Variants in SLC46A1 observed in about 807,000 individuals in gnomAD.
SLC46A1 encodes proton-coupled folate transporter.
SLC46A1 carries 17 observed loss-of-function variants against 32.1 expected under a neutral mutation model. The ratio of observed to expected loss-of-function variants is 0.53; its 90% confidence interval spans 0.36 to 0.79. The LOEUF is 0.79. Ranked by LOEUF, SLC46A1 falls within the 30% of genes least tolerant of loss-of-function variation. The pLI, the probability that SLC46A1 is intolerant of heterozygous loss-of-function variation, is 0.00. For synonymous variants in SLC46A1, 240 were observed against 262.7 expected, an observed-to-expected ratio of 0.91 and a Z score of 0.84; for missense variants, 517 against 588.2, an observed-to-expected ratio of 0.88 and a Z score of 1.25.
intron 2 of SLC46A1, 105 bp from the exon 3 acceptor site, chr17:28,402,426 G>A: frequency 1.1e-6 from 1 of 898,962 alleles, no homozygotes; most frequent in Non-Finnish European, 1.7e-6. Flanking sequence ...GCTTAGGTTA[G>A]ACCCAGGAAG....
chr17:28,400,614 TCAGAA>T lies in SLC46A1; in HGVS notation c.1313_1317del (p.Val438AspfsTer8). The T allele has an allele frequency of 6.2e-7, 1 of 1,613,540 alleles. No homozygotes were observed. Among genetic ancestry groups the T allele is most frequent in the East Asian group, 2.2e-5 (1 of 44,864 alleles). On this transcript the variant is annotated frameshift_variant, in exon 4 of 5. Transcript: ENST00000612814. LOFTEE classifies it high-confidence loss of function. The stretch of plus-strand genomic sequence containing the variant: ...GGGTTCAGGGCCCTGCATTACCCAA[TCAGAA>T]CAGCCGGGATGAGCAGGAGGCCAGC...
chr17:28,399,389 G>A lies in SLC46A1; in HGVS notation c.*267C>T, dbSNP rs2068168005. The A allele has an allele frequency of 4.1e-6, 2 of 493,616 alleles. No homozygotes were observed. The highest frequency in any genetic ancestry group is 7.3e-6 in the Non-Finnish European group (2 of 272,682). The allele number at this position is 493,616 out of a possible 1,614,324, so 30.6% of individuals were successfully genotyped here. On this transcript the variant is annotated 3_prime_UTR_variant, in exon 5 of 5. Coordinates refer to ENST00000612814, the MANE Select transcript of SLC46A1 (RefSeq NM_080669.6). Reference sequence around the variant, plus strand: ...GTTATAAGTGATGGATAGCAGAAAGGGAGAACTGACTCCTGTCCCAAATAG... The same window carrying A: ...GTTATAAGTGATGGATAGCAGAAAGAGAGAACTGACTCCTGTCCCAAATAG...
At position 28,399,266 on chromosome 17, in the gene SLC46A1, G is replaced by A. The variant is rs1249433631; in HGVS notation, c.*390C>T. The A allele has an allele frequency of 2.7e-5, 6 of 221,924 alleles. No individual in the cohort carries two copies. 13.7% of individuals were successfully genotyped at this position (221,924 alleles called of 1,614,324 possible). ...TACACGTGTTGGGAACCTGGTTGGG[G>A]CTGTGCAGTTTGGGCTGGAAGGAGA... On this transcript the variant is annotated 3_prime_UTR_variant, in exon 5 of 5. Coordinates refer to ENST00000612814, the MANE Select transcript of SLC46A1 (RefSeq NM_080669.6).
chr17:28,402,015 C>T (rs568661704), intron 3 of SLC46A1: 45 of 489,826 alleles, frequency 9.2e-5, no homozygotes, highest in Non-Finnish European at 1.6e-4. Flanking sequence ...CATAATTGTG[C>T]TCTGCTGACT....
Position 28,406,009 on chromosome 17 carries a change from A to T in SLC46A1, c.106T>A (p.Leu36Met). Reference sequence around the variant, plus strand: ...GTGGTGAGCGGGCCCTGCAGGACCAAGGCAAAGTTGGCCAGGAAGACCAGC... The same window carrying T: ...GTGGTGAGCGGGCCCTGCAGGACCATGGCAAAGTTGGCCAGGAAGACCAGC... Reference protein sequence around the residue: ...EPLVFLANFALVLQGPLTTQY... With the variant: ...EPLVFLANFAMVLQGPLTTQY... The change falls in exon 1 of 5, where the codon TTG (leucine) becomes ATG (methionine). Residue 36 changes from leucine to methionine, a missense_variant. Coordinates refer to ENST00000612814, the MANE Select transcript of SLC46A1 (RefSeq NM_080669.6). This position sits in a 1 kb window ranked among gnomAD's most constrained non-coding sequence, Gnocchi z 4.5. 6.2e-7 allele frequency: 1 copy of T among 1,611,014 alleles called. No homozygotes were observed. Among genetic ancestry groups the T allele is most frequent in the Non-Finnish European group, 8.5e-7 (1 of 1,179,132 alleles).
rs782282998 is a variant in SLC46A1 at position 28,395,961 on chromosome 17, C to T, written c.*3695G>A. The T allele has an allele frequency of 1.9e-5, 30 of 1,613,852 alleles. No individual in the cohort carries two copies. In the Middle Eastern group the frequency reaches 1.5e-3, roughly 80 times the overall value. ...ACATTGTGCCCATCATTGATGGCTT[C>T]GAGTGGCCTGAGCCCCAGGTCCTGC... On this transcript the variant is annotated 3_prime_UTR_variant, in exon 5 of 5. Coordinates refer to ENST00000612814, the MANE Select transcript of SLC46A1 (RefSeq NM_080669.6).
rs782287467 is a variant in SLC46A1, at chr17:28,400,687, T to A, written c.1245A>T (p.Pro415=). 1.2e-6 allele frequency: 2 copies of A among 1,612,420 alleles called. No individual in the cohort carries two copies. Among genetic ancestry groups the A allele is most frequent in the East Asian group, 4.5e-5 (2 of 44,842 alleles). Residue 415 remains proline (P), a synonymous_variant, in exon 4 of 5, where the codon CCA becomes CCT. Coordinates refer to ENST00000612814, the MANE Select transcript of SLC46A1 (RefSeq NM_080669.6). ...TASGIFNSLY[P]ATLNFMKGFP... ...ACCCCTTCATAAAGTTCAGAGTGGCTGGGTAGAGTGAGTTGAAGATGCCGG... is the reference window on the plus strand; with the variant it reads ...ACCCCTTCATAAAGTTCAGAGTGGCAGGGTAGAGTGAGTTGAAGATGCCGG...
intron 1 of SLC46A1, 25 bp downstream of exon 1, chr17:28,405,862 G>C: frequency 6.5e-7 from 1 of 1,543,126 alleles, no homozygotes; most frequent in Non-Finnish European, 8.7e-7. Flanking sequence ...CCCTCCACCT[G>C]CCAGGCTCCT....
At chr17:28,399,976 C>T (rs2068176476) in intron 4 of SLC46A1, 2 of 458,864 alleles carry the variant, frequency 4.4e-6, no homozygotes, top group East Asian at 8.6e-5. Context: ...TCACTGTACC[C>T]TTGAACTCCT....
chr17:28,400,678 C>T lies in SLC46A1; in HGVS notation c.1254G>A (p.Leu418=), dbSNP rs782590413. ...GGAAGGGGAACCCCTTCATAAAGTT[C>T]AGAGTGGCTGGGTAGAGTGAGTTGA... ...GIFNSLYPAT[L]NFMKGFPFLL... Residue 418 remains leucine (L), a synonymous_variant, in exon 4 of 5, where the codon CTG becomes CTA. Coordinates refer to ENST00000612814, the MANE Select transcript of SLC46A1 (RefSeq NM_080669.6). 2 of 1,613,286 alleles carry T rather than the reference C, an allele frequency of 1.2e-6. No individual in the cohort carries two copies. Among genetic ancestry groups the T allele is most frequent in the Admixed American group, 3.3e-5 (2 of 59,938 alleles).
At position 28,396,513 on chromosome 17, in the gene SLC46A1, C is replaced by T. The variant is rs2068126082; in HGVS notation, c.*3143G>A. 1.7e-6 allele frequency: 1 copy of T among 573,304 alleles called. No homozygotes were observed. Among genetic ancestry groups the T allele is most frequent in the African/African-American group, 1.9e-5 (1 of 53,340 alleles). The allele number at this position is 573,304 out of a possible 1,614,324, so 35.5% of individuals were successfully genotyped here. On this transcript the variant is annotated 3_prime_UTR_variant, in exon 5 of 5. Coordinates refer to ENST00000612814, the MANE Select transcript of SLC46A1 (RefSeq NM_080669.6). ...TTGGGCACGGGAGGTTAGAACTCCC[C>T]CAGGCCCTGCCATTGGGTTGTCTGT... is the stretch of plus-strand genomic sequence containing the variant.
Position 28,405,997 on chromosome 17 carries a change from C to T in SLC46A1, c.118G>A (p.Gly40Ser), listed in dbSNP as rs782393176. 4.0e-5 allele frequency: 65 copies of T among 1,611,224 alleles called. No individual in the cohort carries two copies. The highest frequency in any genetic ancestry group is 3.6e-4 in the South Asian group (33 of 90,630). Residue 40 changes from glycine to serine, a missense_variant, in exon 1 of 5, where the codon GGC becomes AGC. Transcript: ENST00000612814. Reference protein sequence around the residue: ...FLANFALVLQGPLTTQYLWHR... With the variant: ...FLANFALVLQSPLTTQYLWHR... ...CACAGATACTGCGTGGTGAGCGGGC[C>T]CTGCAGGACCAAGGCAAAGTTGGCC...
Position 28,395,762 on chromosome 17 carries a change from A to T in SLC46A1, c.*3894T>A. On this transcript the variant is annotated 3_prime_UTR_variant, in exon 5 of 5. Transcript: ENST00000612814. ...TATTTTTTATTACACTACAAGGGTT[A>T]AGGTAGACATCAAGGTGGACATCAG... The T allele has an allele frequency of 1.3e-6, 1 of 791,316 alleles. No homozygotes were observed. The highest frequency in any genetic ancestry group is 1.7e-5 in the African/African-American group (1 of 58,550). The allele number at this position is 791,316 out of a possible 1,614,324, so 49.0% of individuals were successfully genotyped here.
At position 28,405,942 on chromosome 17, in the gene SLC46A1, T is replaced by C. The variant is rs2142469873; in HGVS notation, c.173A>G (p.Asn58Ser). The C allele has an allele frequency of 1.2e-6, 2 of 1,610,924 alleles. No individual in the cohort carries two copies. Among genetic ancestry groups the C allele is most frequent in the East Asian group, 2.2e-5 (1 of 44,804 alleles). Residue 58 changes from asparagine to serine, a missense_variant, in exon 1 of 5, where the codon AAT becomes AGT. Coordinates refer to ENST00000612814, the MANE Select transcript of SLC46A1 (RefSeq NM_080669.6). ...WHRFSADLGY[N>S]GTRQRGGCSN... The stretch of plus-strand genomic sequence containing the variant: ...GCAGCCCCCCCTTTGGCGGGTGCCA[T>C]TGTAGCCGAGGTCGGCGCTGAAGCG...
At chr17:28,404,519 C>T in intron 2 of SLC46A1, 97 bp downstream of exon 2, 2 of 1,482,292 alleles carry the variant, frequency 1.3e-6, no homozygotes, top group Non-Finnish European at 1.8e-6. Flanking sequence ...TTTCCAAAGA[C>T]ACAGGAATGA....
In SLC46A1 at chr17:28,405,109, G is replaced by A; in HGVS notation, c.588C>T (p.Ser196=). Residue 196 remains serine, a synonymous_variant, in exon 2 of 5, where the codon AGC becomes AGT. Transcript: ENST00000612814. ...ASIGVAGMLA[S]LLGGHWLRAQ... is the part of the protein sequence containing the mutation. ...CCCGGAGCCAGTGGCCCCCGAGGAG[G>A]CTTGCCAGCATCCCAGCCACCCCGA... 6.2e-6 allele frequency: 10 copies of A among 1,613,616 alleles called. No individual in the cohort carries two copies. Among genetic ancestry groups the A allele is most frequent in the Non-Finnish European group, 8.5e-6 (10 of 1,179,718 alleles).
rs1252356861 is a variant in SLC46A1 at position 28,395,800 on chromosome 17, G to T, written c.*3856C>A. ...AGGTGGACATCAGGACTGGTGTCCTGCCCTGGGCCCAGCCTCGGGCCAGTG... is the reference window on the plus strand; with the variant it reads ...AGGTGGACATCAGGACTGGTGTCCTTCCCTGGGCCCAGCCTCGGGCCAGTG... On this transcript the variant is annotated 3_prime_UTR_variant, in exon 5 of 5. Transcript: ENST00000612814. 7.7e-7 allele frequency: 1 copy of T among 1,304,754 alleles called. No homozygotes were observed. The highest frequency in any genetic ancestry group is 1.4e-5 in the African/African-American group (1 of 69,002). 80.8% of individuals were successfully genotyped at this position (1,304,754 alleles called of 1,614,324 possible).
In SLC46A1 at chr17:28,396,846, G is replaced by A. The variant is rs2068131151; in HGVS notation, c.*2810C>T. 1 of 153,142 alleles carries A rather than the reference G, an allele frequency of 6.5e-6. No individual in the cohort carries two copies. 9.5% of individuals were successfully genotyped at this position (153,142 alleles called of 1,614,324 possible). The stretch of plus-strand genomic sequence containing the variant: ...TGTAATCACTCAGTGCCCTTAGCTA[G>A]CCTGACTAAGTCCCAGATCCCCTAC... On this transcript the variant is annotated 3_prime_UTR_variant, in exon 5 of 5. Coordinates refer to ENST00000612814, the MANE Select transcript of SLC46A1 (RefSeq NM_080669.6).
Position 28,399,299 on chromosome 17 carries a change from G to A in SLC46A1, c.*357C>T, listed in dbSNP as rs376235723. On this transcript the variant is annotated 3_prime_UTR_variant, in exon 5 of 5. Coordinates refer to ENST00000612814, the MANE Select transcript of SLC46A1 (RefSeq NM_080669.6). Reference sequence around the variant, plus strand: ...GTTTGGGCTGGAAGGAGAGATGCCAGCCCTCGTGCTGCCTCTGGTCCCTGA... The same window carrying A: ...GTTTGGGCTGGAAGGAGAGATGCCAACCCTCGTGCTGCCTCTGGTCCCTGA... 2 of 248,242 alleles carry A rather than the reference G, an allele frequency of 8.1e-6. No individual in the cohort carries two copies. The highest frequency in any genetic ancestry group is 1.4e-4 in the South Asian group (2 of 14,686). The allele number at this position is 248,242 out of a possible 1,614,324, so 15.4% of individuals were successfully genotyped here. A position where few individuals can be genotyped will look rare whatever the true frequency, so the allele number is the denominator to read the frequency against.
Sources: gnomAD v4.1 joint callset for allele counts on GRCh38, gnomAD v4.1.1 for gene constraint, Gnocchi (gnomAD v3.1) non-coding constraint, MANE v1.5 for transcripts, NCBI Gene and HGNC (gene_info 2026-07-23, HGNC 2026-07-21) for gene names.